Variants in RAP1GDS1 observed in about 807,000 individuals in gnomAD.
The protein encoded by RAP1GDS1 is RAP1, GTP-GDP dissociation stimulator 1.
Under a neutral mutation model 71.1 loss-of-function variants are expected in RAP1GDS1, and 35 were observed. The observed-to-expected ratio is 0.49, with a 90% CI of 0.38 to 0.65. RAP1GDS1 has a LOEUF of 0.65. Ranked by LOEUF, RAP1GDS1 falls within the 30% of genes least tolerant of loss-of-function variation. The pLI, the probability that RAP1GDS1 is intolerant of heterozygous loss-of-function variation, is 0.00. For synonymous variants in RAP1GDS1, 229 were observed against 243.1 expected, an observed-to-expected ratio of 0.94 and a Z score of 0.54; for missense variants, 663 against 706.1, an observed-to-expected ratio of 0.94 and a Z score of 0.69.
At chr4:98,405,149 G>T (rs969977293) in intron 7 of RAP1GDS1, among the ~76,000 whole-genome samples, 9 of 152,160 alleles carry the variant, frequency 5.9e-5, no homozygotes, top group African/African-American at 2.2e-4. Context: ...CAAATCTTCA[G>T]ATACTGGAAT....
intron 1 of RAP1GDS1, among the ~76,000 whole-genome samples, chr4:98,286,622 C>T (rs553450062): frequency 2.0e-5 from 3 of 151,938 alleles, no homozygotes; most frequent in African/African-American, 4.8e-5. Context: ...CGGTGGCTAA[C>T]GCCTATAATC....
chr4:98,391,839 T>A (rs1252352185), intron 5 of RAP1GDS1, 113 bp from the exon 6 acceptor site: 17 of 1,033,338 alleles, frequency 1.6e-5, no homozygotes, highest in African/African-American at 3.3e-5. Context: ...TTACTGTAAT[T>A]TAAATAACTT....
intron 2 of RAP1GDS1, among the ~76,000 whole-genome samples, chr4:98,321,686 G>A (rs1361495471): frequency 7.3e-6 from 1 of 137,134 alleles, no homozygotes; most frequent in Non-Finnish European, 1.6e-5. Flanking sequence ...ATAAGTGAAG[G>A]AGAAATAAAA....
chr4:98,401,297 CATT>C lies in RAP1GDS1; in HGVS notation c.638-3176_638-3174del, dbSNP rs376552043. ...CACATAGCTAAGCAAATGAGGAAAA[CATT>C]ATTCCAGGAAAAATGAATTAGTGTA... On this transcript the variant is annotated intron_variant, in intron 6 of 14. Transcript: ENST00000408927. Among the ~76,000 whole-genome samples the C allele has an allele frequency of 3.6e-3, 548 of 152,154 alleles. 3 individuals carry two copies. The highest frequency in any genetic ancestry group is 0.012 in the African/African-American group (514 of 41,506).
intron 11 of RAP1GDS1, among the ~76,000 whole-genome samples, chr4:98,420,599 C>T (rs971128718): frequency 6.6e-6 from 1 of 152,056 alleles, no homozygotes; most frequent in Non-Finnish European, 1.5e-5. Flanking sequence ...TGGCCTCAAG[C>T]GATCCACCCA....
At chr4:98,336,194 G>A (rs1734700448) in intron 2 of RAP1GDS1, among the ~76,000 whole-genome samples, 1 of 152,060 alleles carries the variant, frequency 6.6e-6, no homozygotes, top group African/African-American at 2.4e-5. Flanking sequence ...CATATCTTCA[G>A]TAATTCAACT....
intron 6 of RAP1GDS1, among the ~76,000 whole-genome samples, chr4:98,401,496 G>T (rs1047660833): frequency 6.6e-6 from 1 of 152,150 alleles, no homozygotes. Context: ...TAGATAATAC[G>T]TAAGTAAACA....
Position 98,333,458 on chromosome 4 carries a change from C to T in RAP1GDS1, c.113-9681C>T, listed in dbSNP as rs570508842. Among the ~76,000 whole-genome samples, 13 of 151,986 alleles carry T rather than the reference C, an allele frequency of 8.6e-5. No homozygotes were observed. The South Asian group carries it at 2.7e-3, about 32-fold the overall frequency. ...CCATAATTTTTATGTTAAAAATAGA[C>T]CCAAACATATTTAGGCTTTTTATAA... On this transcript the variant is annotated intron_variant, in intron 2 of 14. Transcript: ENST00000408927.
Position 98,443,673 on chromosome 4 carries a change from C to T in RAP1GDS1, c.*1556C>T, listed in dbSNP as rs1278693609. ...AGGTAAAGAATCTTGACTGATTGTT[C>T]CCTTTGATGTCCAAATAAGGGAACT... On this transcript the variant is annotated 3_prime_UTR_variant, in exon 15 of 15. Coordinates refer to ENST00000408927, the MANE Select transcript of RAP1GDS1 (RefSeq NM_001100427.2). 1.9e-5 allele frequency: 4 copies of T among 205,602 alleles called. No individual in the cohort carries two copies. The highest frequency in any genetic ancestry group is 9.1e-5 in the African/African-American group (4 of 43,722). The allele number at this position is 205,602 out of a possible 1,614,324, so 12.7% of individuals were successfully genotyped here.
rs551284591 is a variant in RAP1GDS1 at position 98,374,820 on chromosome 4, AC to A, written c.362-4194del. ...GTTCTTGCTTTGACTTCAGGCTTGG[AC>A]CCGTTCCCGCACAGCTGTGGGCTTT... On this transcript the variant is annotated intron_variant, in intron 4 of 14. Transcript: ENST00000408927. Among the ~76,000 whole-genome samples the A allele has an allele frequency of 1.1e-3, 173 of 152,058 alleles. 1 individual carries two copies. In the South Asian group the frequency reaches 0.018, roughly 16 times the overall value.
At chr4:98,420,757 G>A (rs1305343549) in intron 11 of RAP1GDS1, among the ~76,000 whole-genome samples, 6 of 151,994 alleles carry the variant, frequency 3.9e-5, no homozygotes, top group African/African-American at 1.5e-4. Flanking sequence ...TTCGGCAGGG[G>A]GTGTTGTGTT....
intron 2 of RAP1GDS1, among the ~76,000 whole-genome samples, chr4:98,338,447 T>C (rs1196513763): frequency 9.9e-5 from 15 of 152,172 alleles, no homozygotes; most frequent in Admixed American, 9.8e-4. Flanking sequence ...CAAAGCAGCA[T>C]AGGGCTAAGT....
chr4:98,293,258 G>A, intron 1 of RAP1GDS1, 150 bp from the exon 2 acceptor site: 3 of 525,944 alleles, frequency 5.7e-6, no homozygotes, highest in South Asian at 3.1e-5. Context: ...TTTTTTAATA[G>A]TACAGTCTAA....
At chr4:98,303,049 T>TAA (rs536421624) in intron 2 of RAP1GDS1, among the ~76,000 whole-genome samples, 6 of 105,114 alleles carry the variant, frequency 5.7e-5, no homozygotes, top group Non-Finnish European at 8.5e-5. Context: ...CAGTCTCAAA[T>TAA]AAAAAAAAAA....
chr4:98,301,784 C>T (rs999903996), intron 2 of RAP1GDS1, among the ~76,000 whole-genome samples: 5 of 152,100 alleles, frequency 3.3e-5, no homozygotes, highest in African/African-American at 1.2e-4. Flanking sequence ...GCATGGACTC[C>T]AGGTGACAGG....
intron 12 of RAP1GDS1, among the ~76,000 whole-genome samples, chr4:98,429,149 G>A (rs895843386): frequency 2.0e-5 from 3 of 151,862 alleles, no homozygotes; most frequent in Admixed American, 6.6e-5. Context: ...TCCCAGCTAC[G>A]CTGGAGGCTT....
chr4:98,285,046 A>C (rs1196397194), intron 1 of RAP1GDS1, among the ~76,000 whole-genome samples: 2 of 152,204 alleles, frequency 1.3e-5, no homozygotes, highest in Non-Finnish European at 2.9e-5. Flanking sequence ...TTCCCGATTC[A>C]TAGAATCTAT....
chr4:98,285,739 T>C (rs1458519632), intron 1 of RAP1GDS1, among the ~76,000 whole-genome samples: 1 of 149,978 alleles, frequency 6.7e-6, no homozygotes, highest in South Asian at 2.1e-4. Flanking sequence ...ATTTCTGTTA[T>C]GTAGTACATA....
intron 2 of RAP1GDS1, among the ~76,000 whole-genome samples, chr4:98,326,233 C>T (rs147243941): frequency 1.3e-3 from 201 of 152,216 alleles, no homozygotes; most frequent in African/African-American, 4.2e-3. Flanking sequence ...TCATAGTTAA[C>T]GCAGCCAATA....
Sources: gnomAD v4.1 joint callset for allele counts (sites outside exome capture counted in the v4.1 genomes callset) on GRCh38, gnomAD v4.1.1 for gene constraint, MANE v1.5 for transcripts, NCBI Gene and HGNC (gene_info 2026-07-23, HGNC 2026-07-21) for gene names.